The following COMMD1 variants were observed in gnomAD, a reference collection of about 807,000 sequenced individuals.
COMMD1 encodes copper metabolism domain containing 1.
A neutral mutation model predicts 17.2 loss-of-function variants in COMMD1; 10 were observed. The ratio of observed to expected loss-of-function variants is 0.58; its 90% CI spans 0.36 to 0.99. The LOEUF (loss-of-function observed/expected upper bound fraction) is 0.99, where lower values mean the gene tolerates loss of function less well. Ranked by LOEUF, COMMD1 falls within the 50% of genes least tolerant of loss-of-function variation. COMMD1 has a pLI of 0.01. For synonymous variants in COMMD1, 97 were observed against 91.6 expected (o/e 1.06, Z -0.34); for missense variants, 270 against 231.8 (o/e 1.17, Z -1.07).
chr2:61,892,045 A>G (rs1261589694), intron 1 of COMMD1, among the ~76,000 whole-genome samples: 3 of 151,586 alleles, frequency 2.0e-5, no homozygotes, highest in Non-Finnish European at 4.4e-5. Context: ...GTTAGCCAGA[A>G]TGGTCTCGAT....
intron 2 of COMMD1, among the ~76,000 whole-genome samples, chr2:62,021,226 AT>A (rs969751579): frequency 6.6e-6 from 1 of 151,992 alleles, no homozygotes; most frequent in African/African-American, 2.4e-5. Flanking sequence ...TTGTTTTAGT[AT>A]TTTTTGCGTG....
chr2:61,952,137 G>A (rs114635483), intron 1 of COMMD1, among the ~76,000 whole-genome samples: 2,722 of 152,152 alleles, frequency 0.018, 53 homozygotes, highest in African/African-American at 0.041. Flanking sequence ...CTCATTCCTG[G>A]GTATAGGCCA....
At chr2:61,892,875 T>A (rs1393640811) in intron 1 of COMMD1, among the ~76,000 whole-genome samples, 1 of 151,762 alleles carries the variant, frequency 6.6e-6, no homozygotes, top group African/African-American at 2.4e-5. Flanking sequence ...CGTTCTTTTT[T>A]TTTCCCCCCT....
At chr2:62,091,399 GT>G (rs1339506945) in intron 2 of COMMD1, among the ~76,000 whole-genome samples, 1 of 152,190 alleles carries the variant, frequency 6.6e-6, no homozygotes, top group Non-Finnish European at 1.5e-5. Context: ...TCACACTTTA[GT>G]TTTTTGGGTG....
chr2:61,898,504 T>G (rs992666968), intron 1 of COMMD1, among the ~76,000 whole-genome samples: 1 of 151,946 alleles, frequency 6.6e-6, no homozygotes, highest in Non-Finnish European at 1.5e-5. Flanking sequence ...GAGTGGCCAG[T>G]TGAGCGAAGG....
chr2:61,913,705 A>T (rs1020644300), intron 1 of COMMD1, among the ~76,000 whole-genome samples: 1 of 149,574 alleles, frequency 6.7e-6, no homozygotes, highest in Non-Finnish European at 1.5e-5. Context: ...CTGGGGCAGG[A>T]GAATGGCATG....
At chr2:62,030,630 T>C (rs1011494215) in intron 2 of COMMD1, among the ~76,000 whole-genome samples, 3 of 152,176 alleles carry the variant, frequency 2.0e-5, no homozygotes, top group Non-Finnish European at 4.4e-5. Flanking sequence ...GAATTCTTCA[T>C]ATGTTGTTGT....
chr2:62,087,281 C>T (rs191855094), intron 2 of COMMD1, among the ~76,000 whole-genome samples: 81 of 152,134 alleles, frequency 5.3e-4, no homozygotes, highest in African/African-American at 1.5e-3. Flanking sequence ...AGGTAGAGTC[C>T]GTGAGGGTCA....
At chr2:61,989,025 G>T (rs939045296) in intron 1 of COMMD1, among the ~76,000 whole-genome samples, 5 of 152,146 alleles carry the variant, frequency 3.3e-5, no homozygotes, top group Admixed American at 3.3e-4. Flanking sequence ...GGGAAGGGTG[G>T]TGTCGGAAAT....
chr2:61,948,878 TA>T (rs1670981457), intron 1 of COMMD1, among the ~76,000 whole-genome samples: 1 of 152,186 alleles, frequency 6.6e-6, no homozygotes, highest in Non-Finnish European at 1.5e-5. Flanking sequence ...GCAGAATGCC[TA>T]AAATTCCAGT....
At chr2:62,094,783 A>T (rs187875823) in intron 2 of COMMD1, among the ~76,000 whole-genome samples, 21 of 152,334 alleles carry the variant, frequency 1.4e-4, no homozygotes, top group Admixed American at 1.2e-3. Context: ...TGGAAAAATG[A>T]TACTTAATGT....
rs530752718 is a variant in COMMD1 at position 62,089,746 on chromosome 2, G to A, written c.463-46085G>A. ...CTGATGAGAATTCATGGTTTGTAGGGCGTGACTCCCAAGACTCCTTTGAAA... is the reference window on the plus strand; with the variant it reads ...CTGATGAGAATTCATGGTTTGTAGGACGTGACTCCCAAGACTCCTTTGAAA... On this transcript the variant is annotated intron_variant, in intron 2 of 2. Transcript: ENST00000311832. Among the ~76,000 whole-genome samples, 5 of 152,270 alleles carry A rather than the reference G, an allele frequency of 3.3e-5. No homozygotes were observed. In the South Asian group the frequency reaches 8.3e-4, roughly 25 times the overall value.
rs946682775 is a variant in COMMD1 at position 62,109,543 on chromosome 2, G to A, written c.463-26288G>A. The stretch of plus-strand genomic sequence containing the variant: ...AAACTTTCTAAAAACCCTATGAAGT[G>A]GGATAGAATAGATGAAGAAAGTCAG... On this transcript the variant is annotated intron_variant, in intron 2 of 2. Transcript: ENST00000311832. Among the ~76,000 whole-genome samples, 4 of 152,304 alleles carry A rather than the reference G, an allele frequency of 2.6e-5. No homozygotes were observed. In the East Asian group the frequency reaches 5.8e-4, roughly 22 times the overall value.
chr2:62,049,366 T>C (rs1484459719), intron 2 of COMMD1, among the ~76,000 whole-genome samples: 1 of 151,982 alleles, frequency 6.6e-6, no homozygotes, highest in Non-Finnish European at 1.5e-5. Context: ...TTTCAGATAG[T>C]TGTTCTTTTA....
chr2:62,014,542 C>CTTTTTTTTTTTTTTT (rs67886279), intron 2 of COMMD1, among the ~76,000 whole-genome samples: 4 of 63,568 alleles, frequency 6.3e-5, no homozygotes, highest in Admixed American at 2.9e-4. Context: ...CCATTTTAAC[C>CTTTTTTTTTTTTTTT]TTTTTTTTTT....
intron 2 of COMMD1, among the ~76,000 whole-genome samples, chr2:62,064,214 G>A (rs537077561): frequency 4.1e-4 from 62 of 151,558 alleles, no homozygotes; most frequent in African/African-American, 1.5e-3. Context: ...TCACTCTGTC[G>A]CCAGGCTGTA....
intron 1 of COMMD1, among the ~76,000 whole-genome samples, chr2:61,983,337 G>A (rs1306370958): frequency 1.3e-5 from 2 of 151,744 alleles, no homozygotes; most frequent in East Asian, 1.9e-4. Context: ...CTACAGGCAC[G>A]TGCCACCACG....
intron 2 of COMMD1, among the ~76,000 whole-genome samples, chr2:62,049,529 A>C (rs1670482410): frequency 6.6e-6 from 1 of 152,180 alleles, no homozygotes; most frequent in South Asian, 2.1e-4. Context: ...AACCTCCCCT[A>C]ATGCACAGGA....
chr2:62,015,571 A>G (rs988483319), intron 2 of COMMD1, among the ~76,000 whole-genome samples: 2 of 151,930 alleles, frequency 1.3e-5, no homozygotes, highest in African/African-American at 2.4e-5. Context: ...CGGTAATTCT[A>G]TGTTTTAACT....
Sources: allele counts gnomAD v4.1 joint callset (sites outside exome capture counted in the v4.1 genomes callset), GRCh38; gene constraint gnomAD v4.1.1; transcripts MANE v1.5; gene names NCBI Gene and HGNC (gene_info 2026-07-23, HGNC 2026-07-21).